Variants in RREB1 observed in about 807,000 individuals in gnomAD.
RREB1 encodes the protein ras-responsive element-binding protein 1.
RREB1 carries 27 observed loss-of-function variants against 117.8 expected under a neutral mutation model. The ratio of observed to expected loss-of-function variants is 0.23; its 90% CI spans 0.17 to 0.32. The LOEUF is 0.32. Among genes scored for constraint, RREB1 ranks in the 10% least tolerant of loss-of-function variants. RREB1 has a pLI of 1.00. For synonymous variants in RREB1, 1,298 were observed against 1,026.7 expected (o/e 1.26, Z -5.05); for missense variants, 2,577 against 2,378.2 (o/e 1.08, Z -1.74).
At chr6:7,179,612 A>G (rs931448991) in intron 2 of RREB1, among the ~76,000 whole-genome samples, 3 of 152,200 alleles carry the variant, frequency 2.0e-5, no homozygotes, top group African/African-American at 7.2e-5. Flanking sequence ...TGAATCAAGT[A>G]TGTAATTATG....
chr6:7,152,145 T>G (rs1001128790), intron 1 of RREB1, among the ~76,000 whole-genome samples: 2 of 152,150 alleles, frequency 1.3e-5, no homozygotes, highest in African/African-American at 4.8e-5. Context: ...GATGCTGAGT[T>G]TTTTAGCTGT....
chr6:7,158,593 C>T (rs2113454264), intron 1 of RREB1, among the ~76,000 whole-genome samples: 1 of 152,308 alleles, frequency 6.6e-6, no homozygotes, highest in East Asian at 1.9e-4. Context: ...CTACCCCAGT[C>T]CACTAATCTC....
At chr6:7,129,047 A>G (rs536553668) in intron 1 of RREB1, among the ~76,000 whole-genome samples, 29 of 152,292 alleles carry the variant, frequency 1.9e-4, no homozygotes, top group African/African-American at 5.5e-4. Context: ...TAATTGAGCA[A>G]TTGCTATGCT....
At position 7,246,619 on chromosome 6, in the gene RREB1, CGGA is replaced by C. The variant is rs1027353481; in HGVS notation, c.4177_4179del (p.Glu1393del). On this transcript the variant is annotated inframe_deletion, in exon 12 of 13. Transcript: ENST00000379938. ...CACGGGCGTGGGGAGAGCCATGAGC[CGGA>C]GGAGGAGCATGGCACTGAGGAGAGC... 18 of 1,565,190 alleles carry C rather than the reference CGGA, an allele frequency of 1.2e-5. 1 individual carries two copies. Among genetic ancestry groups the C allele is most frequent in the African/African-American group, 1.1e-4 (8 of 73,720 alleles).
chr6:7,164,907 T>A (rs1763849427), intron 1 of RREB1, among the ~76,000 whole-genome samples: 1 of 152,266 alleles, frequency 6.6e-6, no homozygotes, highest in Admixed American at 6.5e-5. Flanking sequence ...TATTAAATGC[T>A]ACTGAATTAT....
intron 1 of RREB1, among the ~76,000 whole-genome samples, chr6:7,170,021 A>G (rs1316795854): frequency 6.6e-6 from 1 of 152,196 alleles, no homozygotes; most frequent in African/African-American, 2.4e-5. Context: ...CCTGCATGGA[A>G]CCTATTACTC....
intron 2 of RREB1, among the ~76,000 whole-genome samples, chr6:7,177,242 A>AAAC (rs1561762923): frequency 2.0e-5 from 3 of 147,950 alleles, no homozygotes; most frequent in African/African-American, 7.5e-5. Context: ...AAAAAAAAAA[A>AAAC]GGAGGAAAGA....
intron 6 of RREB1, among the ~76,000 whole-genome samples, chr6:7,200,097 TG>T (rs1765868034): frequency 6.6e-6 from 1 of 152,152 alleles, no homozygotes; most frequent in African/African-American, 2.4e-5. Context: ...TTGCTAGACT[TG>T]ACCTTCCTCA....
chr6:7,146,975 C>T (rs1762895248), intron 1 of RREB1, among the ~76,000 whole-genome samples: 1 of 152,178 alleles, frequency 6.6e-6, no homozygotes, highest in African/African-American at 2.4e-5. Context: ...AGTATCTTAA[C>T]ATCACATGCA....
chr6:7,229,173 G>C lies in RREB1; in HGVS notation c.1074G>C (p.Leu358=). 1 of 1,610,424 alleles carries C rather than the reference G, an allele frequency of 6.2e-7. No individual in the cohort carries two copies. Among genetic ancestry groups the C allele is most frequent in the Non-Finnish European group, 8.5e-7 (1 of 1,177,314 alleles). ...PQATPLPGDA[L]DQKGFLALLG... is the part of the protein sequence containing the mutation. The stretch of plus-strand genomic sequence containing the variant: ...CCACGCCCCTGCCTGGTGACGCCCT[G>C]GACCAGAAGGGCTTCCTGGCCTTGC... The change falls in exon 10 of 13, where the codon CTG becomes CTC. Residue 358 remains leucine (L), a synonymous_variant. Transcript: ENST00000379938. The surrounding 1 kb of genome is among the most constrained non-coding windows in gnomAD (Gnocchi z 4.5).
intron 1 of RREB1, among the ~76,000 whole-genome samples, chr6:7,169,601 A>G (rs557036510): frequency 6.6e-6 from 1 of 152,296 alleles, no homozygotes; most frequent in South Asian, 2.1e-4. Flanking sequence ...GCTGCCATTT[A>G]GCAGCTGTGT....
rs749838714 is a variant in RREB1 at position 7,231,600 on chromosome 6, C to T, written c.3501C>T (p.Ser1167=). The T allele has an allele frequency of 5.0e-5, 80 of 1,611,378 alleles. No homozygotes were observed. The highest frequency in any genetic ancestry group is 2.2e-5 in the South Asian group (2 of 91,006). ...RGMRSRPRAN[S]GGVDLDSSGE... is the part of the protein sequence containing the mutation. ...TGAGGAGCCGACCCCGCGCCAACAG[C>T]GGCGGGGTGGACCTGGACTCCAGCG... Residue 1167 remains serine (S), a synonymous_variant, in exon 10 of 13, where the codon AGC becomes AGT. Transcript: ENST00000379938.
chr6:7,219,538 G>C (rs548575246), intron 8 of RREB1, among the ~76,000 whole-genome samples: 2 of 152,184 alleles, frequency 1.3e-5, no homozygotes, highest in African/African-American at 4.8e-5. Context: ...TCAGGACAGC[G>C]TGGAGTTCAC....
chr6:7,231,019 G>T lies in RREB1; in HGVS notation c.2920G>T (p.Ala974Ser). The T allele has an allele frequency of 6.2e-7, 1 of 1,614,090 alleles. No homozygotes were observed. Among genetic ancestry groups the T allele is most frequent in the Non-Finnish European group, 8.5e-7 (1 of 1,180,022 alleles). The change falls in exon 10 of 13, where the codon GCA becomes TCA. Residue 974 changes from alanine (A) to serine (S), a missense_variant. Transcript: ENST00000379938. ...CAGCGAGCAGCCCTCTCCCTGCCCAGCACCCGGCCCTTCTCTTCCTGTAAC... is the reference window on the plus strand; with the variant it reads ...CAGCGAGCAGCCCTCTCCCTGCCCATCACCCGGCCCTTCTCTTCCTGTAAC... The part of the protein sequence containing the change: ...GSSEQPSPCP[A>S]PGPSLPVTLG...
intron 10 of RREB1, among the ~76,000 whole-genome samples, chr6:7,237,377 G>A (rs1328165097): frequency 6.6e-6 from 1 of 151,504 alleles, no homozygotes; most frequent in African/African-American, 2.4e-5. Context: ...GTGAGCCTCC[G>A]TGCCGGCCTT....
intron 1 of RREB1, among the ~76,000 whole-genome samples, chr6:7,125,982 C>CTGTTTTT (rs1466677221): frequency 8.6e-6 from 1 of 116,330 alleles, no homozygotes; most frequent in African/African-American, 2.7e-5. Flanking sequence ...CGGAGAAGGA[C>CTGTTTTT]TGTTTTTTGT....
chr6:7,168,026 C>G (rs928028512), intron 1 of RREB1, among the ~76,000 whole-genome samples: 1 of 151,758 alleles, frequency 6.6e-6, no homozygotes, highest in Admixed American at 6.6e-5. Context: ...TTTGTGAGGC[C>G]GAGGTGGGAG....
intron 8 of RREB1, among the ~76,000 whole-genome samples, chr6:7,223,867 C>T (rs539149585): frequency 6.6e-5 from 10 of 152,058 alleles, no homozygotes; most frequent in Non-Finnish European, 1.3e-4. Context: ...TTGTATGCTA[C>T]GAAAAGTCTC....
In RREB1 at chr6:7,250,616, C is replaced by A. The variant is rs1436247751; in HGVS notation, c.*1648C>A. On this transcript the variant is annotated 3_prime_UTR_variant, in exon 13 of 13. Coordinates refer to ENST00000379938, the MANE Select transcript of RREB1 (RefSeq NM_001003699.4). ...CTCTTGCCTTCCCCTGGGGAGGCAC[C>A]CCTGTACCCCAGCTTCCTTCCCCTG... 1 of 151,956 alleles carries A rather than the reference C, an allele frequency of 6.6e-6. No individual in the cohort carries two copies. The highest frequency in any genetic ancestry group is 2.0e-4 in the East Asian group (1 of 5,122). The allele number at this position is 151,956 out of a possible 1,614,324, so 9.4% of individuals were successfully genotyped here. A position where few individuals can be genotyped will look rare whatever the true frequency, so the allele number is the denominator to read the frequency against.
Sources: allele counts gnomAD v4.1 joint callset (sites outside exome capture counted in the v4.1 genomes callset), GRCh38; gene constraint gnomAD v4.1.1; non-coding constraint Gnocchi (gnomAD v3.1); transcripts MANE v1.5; gene names NCBI Gene and HGNC (gene_info 2026-07-23, HGNC 2026-07-21).